PPARGC1A: variants seen among roughly 807,000 people sequenced by gnomAD.
PPARGC1A encodes PPARG coactivator 1 alpha, also known as peroxisome proliferator-activated receptor gamma coactivator 1-alpha.
A neutral mutation model predicts 88.7 loss-of-function variants in PPARGC1A; 25 were observed. The observed-to-expected ratio is 0.28, with a 90% CI of 0.21 to 0.39. PPARGC1A has a LOEUF of 0.39. Among genes scored for constraint, PPARGC1A ranks in the 10% least tolerant of loss-of-function variants. The pLI, the probability that PPARGC1A is intolerant of heterozygous loss-of-function variation, is 1.00. For synonymous variants in PPARGC1A, 363 were observed against 355.6 expected, an observed-to-expected ratio of 1.02 and a Z score of -0.24; for missense variants, 880 against 968.7, an observed-to-expected ratio of 0.91 and a Z score of 1.22.
the PPARGC1A span, among the ~76,000 whole-genome samples, chr4:24,339,576 T>C: frequency 6.6e-6 from 1 of 152,284 alleles, no homozygotes; most frequent in East Asian, 1.9e-4. Context: ...TTCCACCATG[T>C]GGATCCATGC....
chr4:24,419,670 T>A, the PPARGC1A span, among the ~76,000 whole-genome samples: 2 of 151,942 alleles, frequency 1.3e-5, no homozygotes, highest in Non-Finnish European at 2.9e-5. Context: ...AAAGCAACTT[T>A]TATCTGCTGA....
At chr4:24,148,127 A>C in the PPARGC1A span, among the ~76,000 whole-genome samples, 4 of 152,166 alleles carry the variant, frequency 2.6e-5, no homozygotes, top group East Asian at 7.7e-4. Flanking sequence ...ATCAGCTTGC[A>C]TTTCCCATAT....
intron 7 of PPARGC1A, among the ~76,000 whole-genome samples, chr4:23,819,118 GA>G (rs11347537): frequency 0.012 from 1,780 of 152,136 alleles, 39 homozygotes; most frequent in African/African-American, 0.041. Context: ...AGTGCAGAGG[GA>G]AAGCTGATAT....
the PPARGC1A span, among the ~76,000 whole-genome samples, chr4:24,324,987 G>A: frequency 2.6e-5 from 4 of 151,992 alleles, no homozygotes; most frequent in South Asian, 2.1e-4. Context: ...CACCTGGTCC[G>A]ACTTACAGTT....
the PPARGC1A span, among the ~76,000 whole-genome samples, chr4:23,994,717 T>C: frequency 6.6e-6 from 1 of 151,796 alleles, no homozygotes; most frequent in Non-Finnish European, 1.5e-5. Flanking sequence ...GCATAAAACA[T>C]CATAAGAAAG....
At chr4:24,022,984 A>G in the PPARGC1A span, among the ~76,000 whole-genome samples, 1 of 152,226 alleles carries the variant, frequency 6.6e-6, no homozygotes, top group Non-Finnish European at 1.5e-5. Context: ...ATTTTGAGAC[A>G]TGATAGGAAG....
the PPARGC1A span, among the ~76,000 whole-genome samples, chr4:24,347,617 CCA>C: frequency 1.3e-5 from 2 of 152,098 alleles, no homozygotes; most frequent in African/African-American, 4.8e-5. Context: ...ATGCCTTTTT[CCA>C]CCCCTTTACT....
the PPARGC1A span, among the ~76,000 whole-genome samples, chr4:24,000,338 C>T: frequency 6.6e-6 from 1 of 152,106 alleles, no homozygotes; most frequent in Non-Finnish European, 1.5e-5. Context: ...ACAGTTACCC[C>T]TTGCAATTTC....
chr4:24,463,544 G>C, the PPARGC1A span, among the ~76,000 whole-genome samples: 4 of 152,184 alleles, frequency 2.6e-5, no homozygotes, highest in African/African-American at 9.7e-5. Flanking sequence ...ATGGAACAAA[G>C]AATGATAAAT....
At chr4:24,136,541 C>T in the PPARGC1A span, among the ~76,000 whole-genome samples, 1 of 152,178 alleles carries the variant, frequency 6.6e-6, no homozygotes, top group Non-Finnish European at 1.5e-5. Context: ...ATCTACCAAA[C>T]ATCCTCAGGA....
At chr4:23,905,967 C>T (rs577964952), upstream of PPARGC1A, among the ~76,000 whole-genome samples, 21 of 152,206 alleles carry the variant, frequency 1.4e-4, no homozygotes, top group Non-Finnish European at 2.8e-4. Context: ...GATAAAAACA[C>T]CACACACATC....
the PPARGC1A span, among the ~76,000 whole-genome samples, chr4:24,294,948 G>A: frequency 1.3e-5 from 2 of 152,126 alleles, no homozygotes; most frequent in South Asian, 2.1e-4. Flanking sequence ...GCCCTCTGTG[G>A]CCCTCACCAG....
chr4:24,428,050 G>A, the PPARGC1A span, among the ~76,000 whole-genome samples: 1 of 151,912 alleles, frequency 6.6e-6, no homozygotes, highest in Non-Finnish European at 1.5e-5. Context: ...AGGAGTTTAA[G>A]GTTGCAGTGA....
chr4:24,020,215 C>T, the PPARGC1A span, among the ~76,000 whole-genome samples: 4 of 151,454 alleles, frequency 2.6e-5, no homozygotes, highest in East Asian at 1.9e-4. Flanking sequence ...GTTCAAAGAT[C>T]ATTATCATGG....
the PPARGC1A span, among the ~76,000 whole-genome samples, chr4:24,027,041 T>C: frequency 6.6e-6 from 1 of 152,160 alleles, no homozygotes; most frequent in African/African-American, 2.4e-5. Flanking sequence ...AGCTGTATTT[T>C]GTCCTGCTAC....
the PPARGC1A span, among the ~76,000 whole-genome samples, chr4:24,125,187 T>C: frequency 3.8e-4 from 58 of 152,202 alleles, no homozygotes; most frequent in Non-Finnish European, 6.3e-4. Context: ...AATGGTATTT[T>C]ATACATCTTA....
the PPARGC1A span, among the ~76,000 whole-genome samples, chr4:24,377,696 T>C: frequency 6.6e-6 from 1 of 152,198 alleles, no homozygotes; most frequent in African/African-American, 2.4e-5. Flanking sequence ...GATTTCAGGA[T>C]ACAGCAGTGA....
the PPARGC1A span, among the ~76,000 whole-genome samples, chr4:24,442,048 A>C: frequency 6.6e-6 from 1 of 152,366 alleles, no homozygotes; most frequent in African/African-American, 2.4e-5. Flanking sequence ...TTTCATTTAA[A>C]TAGAGTGGCA....
the PPARGC1A span, among the ~76,000 whole-genome samples, chr4:24,459,081 C>T: frequency 1.3e-5 from 2 of 151,902 alleles, no homozygotes; most frequent in Non-Finnish European, 2.9e-5. Flanking sequence ...TAATAATATG[C>T]TTTTATCAGT....
Sources: allele counts gnomAD v4.1 joint callset (sites outside exome capture counted in the v4.1 genomes callset), GRCh38; gene constraint gnomAD v4.1.1; transcripts MANE v1.5; gene names NCBI Gene and HGNC (gene_info 2026-07-23, HGNC 2026-07-21).